Variants in VDAC3 observed in about 807,000 individuals in gnomAD.
VDAC3 encodes the protein non-selective voltage-gated ion channel VDAC3.
Under a neutral mutation model 33.9 loss-of-function variants are expected in VDAC3, and 7 were observed. That is an observed-to-expected ratio of 0.21 (90% confidence interval 0.12 to 0.39). VDAC3 has a LOEUF of 0.39. Among genes scored for constraint, VDAC3 ranks in the 10% least tolerant of loss-of-function variants. The probability of loss-of-function intolerance (pLI) is 1.00; values close to 1 mark genes in which losing one functional copy is unlikely to be tolerated. For synonymous variants in VDAC3, 100 were observed against 122.4 expected, an observed-to-expected ratio of 0.82 and a Z score of 1.21; for missense variants, 261 against 334.5, an observed-to-expected ratio of 0.78 and a Z score of 1.71.
At position 42,403,077 on chromosome 8, in the gene VDAC3, T is replaced by C. The variant is rs141860782; in HGVS notation, c.552-234T>C. ...GAATTGTCTTAAGAAACTCACATCA[T>C]GTGGAGGAGCCAAGTAAATGGATCA... On this transcript the variant is annotated intron_variant, in intron 7 of 9. Transcript: ENST00000022615. 144 of 515,050 alleles carry C rather than the reference T, an allele frequency of 2.8e-4. 2 individuals carry two copies. In the East Asian group the frequency reaches 5.0e-3, roughly 18 times the overall value. The allele number at this position is 515,050 out of a possible 1,614,324, so 31.9% of individuals were successfully genotyped here. A position where few individuals can be genotyped will look rare whatever the true frequency, so the allele number is the denominator to read the frequency against.
At chr8:42,398,580 A>G in intron 4 of VDAC3, 132 bp from the exon 5 acceptor site, 1 of 898,006 alleles carries the variant, frequency 1.1e-6, no homozygotes, top group Non-Finnish European at 1.6e-6. Flanking sequence ...GGAGGAAAGA[A>G]GTTGCTCTAG....
intron 7 of VDAC3, chr8:42,402,275 G>T (rs1465824902): frequency 3.8e-6 from 2 of 527,508 alleles, no homozygotes. Context: ...CACTGGGATA[G>T]AGGGAGCCCA....
chr8:42,403,218 T>C (rs1563423397), intron 7 of VDAC3, 93 bp from the exon 8 acceptor site: 5 of 1,459,704 alleles, frequency 3.4e-6, no homozygotes, highest in Non-Finnish European at 4.7e-6. Flanking sequence ...CAAAATGGGA[T>C]CCTTGTTTAG....
chr8:42,393,644 A>G (rs1413062894), intron 1 of VDAC3, among the ~76,000 whole-genome samples: 2 of 152,196 alleles, frequency 1.3e-5, no homozygotes, highest in Non-Finnish European at 2.9e-5. Flanking sequence ...AGAATCTGTC[A>G]TATTTCTGGT....
In VDAC3 at chr8:42,405,576, T is replaced by C; in HGVS notation, c.*114T>C. Reference sequence around the variant, plus strand: ...TTCAAAAGTGTGAACTTTTTATTCTTCCAAAGAATTGTAATCCTCCCCACA... The same window carrying C: ...TTCAAAAGTGTGAACTTTTTATTCTCCCAAAGAATTGTAATCCTCCCCACA... On this transcript the variant is annotated 3_prime_UTR_variant, in exon 10 of 10. Coordinates refer to ENST00000022615, the MANE Select transcript of VDAC3 (RefSeq NM_005662.7). 1.1e-6 allele frequency: 1 copy of C among 891,540 alleles called. No homozygotes were observed. Among genetic ancestry groups the C allele is most frequent in the African/African-American group, 1.7e-5 (1 of 59,536 alleles). 55.2% of individuals were successfully genotyped at this position (891,540 alleles called of 1,614,324 possible).
chr8:42,402,655 T>TTA (rs1373556070), intron 7 of VDAC3, among the ~76,000 whole-genome samples: 1 of 152,214 alleles, frequency 6.6e-6, no homozygotes, highest in Admixed American at 6.5e-5. Flanking sequence ...AACTATGTGT[T>TTA]TTTAAACTGT....
At position 42,404,932 on chromosome 8, in the gene VDAC3, A is replaced by T. The variant is rs758966693; in HGVS notation, c.760+8A>T. On this transcript the variant is annotated splice_region_variant and intron_variant, in intron 9 of 9. Transcript: ENST00000022615. ...CTCAGACCCTTCGACCAGGTAAGTA[A>T]AGGAATTAGTAACAGAGGGGTTGAG... 6.2e-7 allele frequency: 1 copy of T among 1,613,100 alleles called. No individual in the cohort carries two copies. The highest frequency in any genetic ancestry group is 8.5e-7 in the Non-Finnish European group (1 of 1,179,330).
chr8:42,396,600 T>G, intron 4 of VDAC3: 1 of 675,910 alleles, frequency 1.5e-6, no homozygotes, highest in African/African-American at 1.8e-5. Flanking sequence ...ATTTGCTCAT[T>G]AGGTTTGTGT....
intron 6 of VDAC3, 121 bp downstream of exon 6, chr8:42,399,824 G>C (rs1802384976): frequency 3.7e-6 from 3 of 816,096 alleles, no homozygotes; most frequent in African/African-American, 1.7e-5. Flanking sequence ...TTGCTATAAG[G>C]AATATTGGAG....
rs759140411 is a variant in VDAC3, at chr8:42,398,874, C to T, written c.270+10C>T. ...CTCTTGGGAGAATAAGGTAAGAGAA[C>T]GCATTAGAAGTTATTCATAGGTTCA... is the stretch of plus-strand genomic sequence containing the variant. On this transcript the variant is annotated intron_variant, in intron 5 of 9. Transcript: ENST00000022615. 2.0e-5 allele frequency: 33 copies of T among 1,612,320 alleles called. No individual in the cohort carries two copies. The highest frequency in any genetic ancestry group is 1.6e-4 in the Middle Eastern group (1 of 6,080).
At chr8:42,403,216 G>T (rs1802447471) in intron 7 of VDAC3, 95 bp from the exon 8 acceptor site, 1 of 1,442,542 alleles carries the variant, frequency 6.9e-7, no homozygotes, top group East Asian at 2.3e-5. Context: ...TACAAAATGG[G>T]ATCCTTGTTT....
chr8:42,398,973 C>A, intron 5 of VDAC3, 109 bp downstream of exon 5: 1 of 1,296,572 alleles, frequency 7.7e-7, no homozygotes. Context: ...ATCTAGTAGC[C>A]ATATTTTTTC....
intron 5 of VDAC3, among the ~76,000 whole-genome samples, chr8:42,399,122 A>G (rs1030100562): frequency 6.6e-6 from 1 of 152,040 alleles, no homozygotes; most frequent in Admixed American, 6.6e-5. Flanking sequence ...AGAACAAACT[A>G]TTTGCGGAAA....
At chr8:42,392,962 G>A (rs1824895848) in intron 1 of VDAC3, among the ~76,000 whole-genome samples, 1 of 152,212 alleles carries the variant, frequency 6.6e-6, no homozygotes, top group Non-Finnish European at 1.5e-5. Context: ...ACAAGGGATT[G>A]AATTGTAAAA....
chr8:42,404,241 G>C (rs911295992), intron 8 of VDAC3, among the ~76,000 whole-genome samples: 2 of 152,188 alleles, frequency 1.3e-5, no homozygotes, highest in African/African-American at 4.8e-5. Context: ...AACTGGCAGT[G>C]CCACAATTGA....
In VDAC3 at chr8:42,403,400, G is replaced by C; in HGVS notation, c.641G>C (p.Ser214Thr). The C allele has an allele frequency of 3.1e-6, 5 of 1,611,546 alleles. No homozygotes were observed. Among genetic ancestry groups the C allele is most frequent in the Non-Finnish European group, 4.2e-6 (5 of 1,179,302 alleles). The change falls in exon 8 of 10, where the codon AGT (serine) becomes ACT (threonine). Residue 214 changes from serine (S) to threonine (T), a missense_variant. By Grantham distance (58) the Ser-to-Thr change is moderately conservative (BLOSUM62 1). Transcript: ENST00000022615. ...ATAAACCTTGCTTGGACAGCTGGGA[G>C]TAACAACACCCGTTTTGGCATTGCT... ...TSINLAWTAGSNNTRFGIAAK... is the reference protein window; with the variant it reads ...TSINLAWTAGTNNTRFGIAAK...
chr8:42,396,151 G>A (rs1040867901), intron 4 of VDAC3, among the ~76,000 whole-genome samples: 1 of 152,152 alleles, frequency 6.6e-6, no homozygotes, highest in Non-Finnish European at 1.5e-5. Flanking sequence ...CTGGCTACTT[G>A]GGAGGCTGAG....
At chr8:42,397,874 CTG>C (rs1381694839) in intron 4 of VDAC3, among the ~76,000 whole-genome samples, 1 of 152,160 alleles carries the variant, frequency 6.6e-6, no homozygotes, top group African/African-American at 2.4e-5. Context: ...AGCAGTGTGA[CTG>C]TACTTAATGC....
intron 4 of VDAC3, among the ~76,000 whole-genome samples, chr8:42,398,468 T>C (rs1020932571): frequency 6.6e-6 from 1 of 152,124 alleles, no homozygotes; most frequent in Non-Finnish European, 1.5e-5. Context: ...ACTCAAGGGA[T>C]CCACCCGCCT....
Sources: gnomAD v4.1 joint callset for allele counts (sites outside exome capture counted in the v4.1 genomes callset) on GRCh38, gnomAD v4.1.1 for gene constraint, MANE v1.5 for transcripts, NCBI Gene and HGNC (gene_info 2026-07-23, HGNC 2026-07-21) for gene names.